PLB1: variants seen among roughly 807,000 people sequenced by gnomAD.
The protein encoded by PLB1 is phospholipase B1.
In PLB1, 242 loss-of-function variants were observed where a neutral mutation model predicts 227.4. The observed-to-expected ratio is 1.06, with a 90% confidence interval of 0.96 to 1.18. PLB1 has a LOEUF of 1.18. Among genes scored for constraint, PLB1 ranks in the 50% most tolerant of loss-of-function variants. The pLI is 0.00. For synonymous variants in PLB1, 757 were observed against 682.2 expected (o/e 1.11, Z -1.71); for missense variants, 1,858 against 1,816.3 (o/e 1.02, Z -0.42).
intron 1 of PLB1, among the ~76,000 whole-genome samples, chr2:28,511,788 CTT>C (rs59137589): frequency 6.8e-5 from 9 of 132,596 alleles, no homozygotes; most frequent in Non-Finnish European, 9.6e-5. Flanking sequence ...GCCATTTTAT[CTT>C]TTTTTTTTTT....
rs572241362 is a variant in PLB1, at chr2:28,508,070, T to A, written c.56-8738T>A. On this transcript the variant is annotated intron_variant, in intron 1 of 57. Transcript: ENST00000327757. The stretch of plus-strand genomic sequence containing the variant: ...CTACAGACAGGGCAAAACAATAGAT[T>A]TCTTCTGGAAATTCGGGATAGAAGA... Among the ~76,000 whole-genome samples the A allele has an allele frequency of 3.5e-4, 53 of 152,294 alleles. No homozygotes were observed. In the South Asian group the frequency reaches 0.011, roughly 31 times the overall value.
chr2:28,542,132 CA>C (rs34320310), intron 13 of PLB1, among the ~76,000 whole-genome samples: 91,826 of 125,674 alleles, frequency 0.73, 33,005 homozygotes, highest in Non-Finnish European at 0.81. Flanking sequence ...GACTCAGTCT[CA>C]AAAAAAAAAA....
intron 17 of PLB1, among the ~76,000 whole-genome samples, chr2:28,554,065 A>G (rs1015514754): frequency 1.3e-5 from 2 of 152,166 alleles, no homozygotes; most frequent in Non-Finnish European, 2.9e-5. Context: ...CTCTTGTTCT[A>G]AGTTGTAGAA....
intron 9 of PLB1, among the ~76,000 whole-genome samples, chr2:28,537,743 G>A (rs1396864326): frequency 1.3e-5 from 2 of 151,372 alleles, no homozygotes; most frequent in East Asian, 3.9e-4. Flanking sequence ...TGCAGGAAGG[G>A]GAGTGGTGTG....
intron 46 of PLB1, 63 bp from the exon 47 acceptor site, chr2:28,620,202 G>A (rs1686828373): frequency 8.4e-7 from 1 of 1,192,194 alleles, no homozygotes; most frequent in African/African-American, 1.5e-5. Context: ...CAGGGCCAGA[G>A]GAGGCTCTTC....
intron 14 of PLB1, among the ~76,000 whole-genome samples, chr2:28,545,139 A>C (rs1262437339): frequency 2.6e-5 from 4 of 152,176 alleles, no homozygotes; most frequent in Non-Finnish European, 5.9e-5. Context: ...CTCAAGGCCA[A>C]AGGCCTGCGA....
chr2:28,519,650 C>A, intron 3 of PLB1, 55 bp from the exon 4 acceptor site: 1 of 1,369,518 alleles, frequency 7.3e-7, no homozygotes, highest in Non-Finnish European at 1.0e-6. Flanking sequence ...TATCCTTGGC[C>A]GACATCATGG....
At chr2:28,541,087 G>A (rs1413019880) in intron 12 of PLB1, among the ~76,000 whole-genome samples, 9 of 152,224 alleles carry the variant, frequency 5.9e-5, no homozygotes, top group African/African-American at 1.4e-4. Flanking sequence ...GGGAGAAGTC[G>A]TTTGAGCTTG....
intron 21 of PLB1, among the ~76,000 whole-genome samples, chr2:28,573,681 C>G (rs1406638694): frequency 6.6e-6 from 1 of 152,200 alleles, no homozygotes; most frequent in Admixed American, 6.5e-5. Flanking sequence ...GCCTTTTGGG[C>G]TTTAAACTCT....
At chr2:28,563,136 A>C (rs1300903501) in intron 18 of PLB1, 37 bp downstream of exon 18, 2 of 1,581,562 alleles carry the variant, frequency 1.3e-6, no homozygotes, top group Admixed American at 3.3e-5. Context: ...AGGAGGGGAA[A>C]AGATTTTGAC....
chr2:28,594,183 CA>C, intron 33 of PLB1: 1 of 401,538 alleles, frequency 2.5e-6, no homozygotes, highest in South Asian at 1.9e-5. Flanking sequence ...TACACATCTG[CA>C]CAGAAAACCT....
At chr2:28,601,426 C>G (rs1683867760) in intron 37 of PLB1, 94 bp downstream of exon 37, 4 of 964,844 alleles carry the variant, frequency 4.1e-6, no homozygotes, top group Non-Finnish European at 6.5e-6. Flanking sequence ...AAAACCAATC[C>G]TAGGATTATC....
Position 28,582,464 on chromosome 2 carries a change from G to T in PLB1, c.1692G>T (p.Leu564=). The T allele has an allele frequency of 6.2e-7, 1 of 1,612,848 alleles. No homozygotes were observed. Among genetic ancestry groups the T allele is most frequent in the Non-Finnish European group, 8.5e-7 (1 of 1,179,430 alleles). Residue 564 remains leucine, a synonymous_variant, in exon 25 of 58, where the codon CTG becomes CTT. Transcript: ENST00000327757. The part of the protein sequence containing the change: ...TVLEIVNLRE[L]YQEKKVYCPR... The stretch of plus-strand genomic sequence containing the variant: ...TTGAGATCGTCAACCTGAGGGAGCT[G>T]TACCAGGAGAAAAAAGTCTACTGCC...
rs374509594 is a variant in PLB1, at chr2:28,591,725, G to A, written c.2153G>A (p.Arg718Lys). ...GGTCATGGGACCTGGCTGCCATGCAGGGACAGAGCCCCTTCTGCCTTGCAC... is the reference window on the plus strand; with the variant it reads ...GGTCATGGGACCTGGCTGCCATGCAAGGACAGAGCCCCTTCTGCCTTGCAC... ...MQGHGTWLPC[R>K]DRAPSALHPT... Residue 718 changes from arginine to lysine, a missense_variant, in exon 31 of 58, where the codon AGG (arginine) becomes AAG (lysine). Coordinates refer to ENST00000327757, the MANE Select transcript of PLB1 (RefSeq NM_153021.5). 8 of 1,613,862 alleles carry A rather than the reference G, an allele frequency of 5.0e-6. No individual in the cohort carries two copies. The highest frequency in any genetic ancestry group is 1.7e-5 in the Admixed American group (1 of 60,008).
At chr2:28,557,531 C>A (rs1028012889) in intron 17 of PLB1, among the ~76,000 whole-genome samples, 1 of 152,188 alleles carries the variant, frequency 6.6e-6, no homozygotes, top group African/African-American at 2.4e-5. Context: ...GCATGCCAAG[C>A]CTTTCTCCTG....
intron 4 of PLB1, among the ~76,000 whole-genome samples, chr2:28,524,172 G>A (rs1669913025): frequency 6.6e-6 from 1 of 152,220 alleles, no homozygotes. Context: ...GTGCAGGCTG[G>A]AGTAGGTGAC....
intron 56 of PLB1, among the ~76,000 whole-genome samples, chr2:28,635,191 C>T (rs1280855441): frequency 6.6e-6 from 1 of 152,146 alleles, no homozygotes; most frequent in Non-Finnish European, 1.5e-5. Context: ...ATCCTAGGCT[C>T]TATAATTTGG....
intron 1 of PLB1, among the ~76,000 whole-genome samples, chr2:28,510,813 A>G (rs1274797317): frequency 1.0e-5 from 1 of 97,820 alleles, no homozygotes; most frequent in Non-Finnish European, 2.2e-5. Flanking sequence ...TGTTTTGTAG[A>G]GACAGGGTTT....
Position 28,543,246 on chromosome 2 carries a change from C to T in PLB1, c.914C>T (p.Ala305Val), listed in dbSNP as rs762411224. Residue 305 changes from alanine (A) to valine (V), a missense_variant, in exon 14 of 58, where the codon GCC becomes GTC. Ala to Val is a moderately conservative substitution (Grantham distance 64, BLOSUM62 0). Transcript: ENST00000327757. ...DPRLQDSTTL[A>V]WHLWNRMMEP... ...CGACTCCAGGATTCTACCACGCTGG[C>T]CTGGCATCTCTGGAATAGGATGGTG... is the stretch of plus-strand genomic sequence containing the variant. 2 of 1,612,552 alleles carry T rather than the reference C, an allele frequency of 1.2e-6. No individual in the cohort carries two copies. The highest frequency in any genetic ancestry group is 3.3e-5 in the Admixed American group (2 of 59,814).
Sources: gnomAD v4.1 joint callset for allele counts (sites outside exome capture counted in the v4.1 genomes callset) on GRCh38, gnomAD v4.1.1 for gene constraint, MANE v1.5 for transcripts, NCBI Gene and HGNC (gene_info 2026-07-23, HGNC 2026-07-21) for gene names.